PCDH9: variants seen among roughly 807,000 people sequenced by gnomAD.
PCDH9 encodes the protein protocadherin 9, also known as protocadherin-9.
A neutral mutation model predicts 70.6 loss-of-function variants in PCDH9; 24 were observed. The observed-to-expected ratio is 0.34, with a 90% CI of 0.25 to 0.48. The LOEUF (loss-of-function observed/expected upper bound fraction) is 0.48, where lower values mean the gene tolerates loss of function less well. PCDH9 is among the 20% of genes least tolerant of loss of function. The pLI, the probability that PCDH9 is intolerant of heterozygous loss-of-function variation, is 0.99. For synonymous variants in PCDH9, 562 were observed against 558.5 expected, an observed-to-expected ratio of 1.01 and a Z score of -0.09; for missense variants, 1,281 against 1,503.6, an observed-to-expected ratio of 0.85 and a Z score of 2.45.
chr13:67,184,499 CG>C (rs2088698317), intron 2 of PCDH9, among the ~76,000 whole-genome samples: 2 of 152,088 alleles, frequency 1.3e-5, no homozygotes, highest in African/African-American at 2.4e-5. Flanking sequence ...GAGGCTAAGG[CG>C]GGCAGTCTCC....
At chr13:66,361,131 A>G (rs1207725659) in intron 4 of PCDH9, among the ~76,000 whole-genome samples, 1 of 152,136 alleles carries the variant, frequency 6.6e-6, no homozygotes, top group Non-Finnish European at 1.5e-5. Flanking sequence ...CAAAAGCACC[A>G]CTGGCATCTA....
At chr13:67,007,248 T>C (rs2084370626) in intron 2 of PCDH9, among the ~76,000 whole-genome samples, 1 of 152,034 alleles carries the variant, frequency 6.6e-6, no homozygotes, top group South Asian at 2.1e-4. Flanking sequence ...GTATTGAATA[T>C]TGTACAGCCA....
intron 4 of PCDH9, among the ~76,000 whole-genome samples, chr13:66,596,633 G>C (rs770054827): frequency 6.6e-6 from 1 of 151,586 alleles, no homozygotes; most frequent in African/African-American, 2.4e-5. Context: ...AACGTGACAA[G>C]AAAGTTCTCT....
chr13:67,073,107 A>AGCTAGTT (rs1304596621), intron 2 of PCDH9, among the ~76,000 whole-genome samples: 2 of 152,154 alleles, frequency 1.3e-5, no homozygotes, highest in African/African-American at 2.4e-5. Context: ...TCACACAAGG[A>AGCTAGTT]GCTAGTTAAA....
chr13:66,774,770 C>G (rs1998489), intron 3 of PCDH9, among the ~76,000 whole-genome samples: 44,093 of 151,784 alleles, frequency 0.29, 6,613 homozygotes, highest in East Asian at 0.43. Context: ...AGCAGTAATT[C>G]TATTGTGCAT....
intron 3 of PCDH9, among the ~76,000 whole-genome samples, chr13:66,797,606 T>C (rs1380552587): frequency 6.6e-6 from 1 of 152,170 alleles, no homozygotes; most frequent in Non-Finnish European, 1.5e-5. Context: ...CTATGGCGAA[T>C]AAAACACATG....
intron 2 of PCDH9, among the ~76,000 whole-genome samples, chr13:67,086,016 T>A (rs1158378233): frequency 1.3e-5 from 2 of 152,120 alleles, no homozygotes; most frequent in African/African-American, 4.8e-5. Flanking sequence ...CCTAATCATG[T>A]TTATAACTAA....
intron 4 of PCDH9, among the ~76,000 whole-genome samples, chr13:66,528,884 G>A (rs1960322474): frequency 6.6e-6 from 1 of 151,986 alleles, no homozygotes; most frequent in Non-Finnish European, 1.5e-5. Context: ...AAGAATGAAT[G>A]TGTTTTTTAA....
At chr13:67,095,180 A>C (rs1403832411) in intron 2 of PCDH9, among the ~76,000 whole-genome samples, 3 of 152,068 alleles carry the variant, frequency 2.0e-5, no homozygotes, top group African/African-American at 4.8e-5. Flanking sequence ...TATTCAACCG[A>C]CTGTTACTTG....
At chr13:66,473,662 T>A (rs1958662923) in intron 4 of PCDH9, among the ~76,000 whole-genome samples, 1 of 152,192 alleles carries the variant, frequency 6.6e-6, no homozygotes, top group Non-Finnish European at 1.5e-5. Flanking sequence ...AGCAATTCAC[T>A]TCACATTCTT....
chr13:67,082,910 T>C (rs1312586406), intron 2 of PCDH9, among the ~76,000 whole-genome samples: 1 of 152,178 alleles, frequency 6.6e-6, no homozygotes, highest in African/African-American at 2.4e-5. Flanking sequence ...TGAAACTTTA[T>C]CTTTTCTGAC....
chr13:66,869,598 A>G (rs1005958059), intron 3 of PCDH9, among the ~76,000 whole-genome samples: 1 of 152,126 alleles, frequency 6.6e-6, no homozygotes, highest in Non-Finnish European at 1.5e-5. Flanking sequence ...ATTTTGAACA[A>G]TGATAATATT....
intron 4 of PCDH9, among the ~76,000 whole-genome samples, chr13:66,345,337 C>T (rs1956195998): frequency 1.3e-5 from 2 of 152,152 alleles, no homozygotes; most frequent in South Asian, 4.1e-4. Context: ...TCTCATTTTA[C>T]TCCAAAGGGC....
intron 2 of PCDH9, among the ~76,000 whole-genome samples, chr13:67,089,351 G>A (rs941711925): frequency 5.3e-5 from 8 of 151,842 alleles, no homozygotes; most frequent in Non-Finnish European, 1.2e-4. Context: ...TAATGTCTTT[G>A]GTCCTTCTCT....
intron 4 of PCDH9, among the ~76,000 whole-genome samples, chr13:66,336,613 G>T (rs1000720172): frequency 1.3e-4 from 20 of 151,998 alleles, no homozygotes; most frequent in African/African-American, 4.8e-4. Flanking sequence ...TTTTATTGTA[G>T]GTTTATGAAG....
At chr13:66,538,222 T>C (rs900450710) in intron 4 of PCDH9, among the ~76,000 whole-genome samples, 1 of 152,116 alleles carries the variant, frequency 6.6e-6, no homozygotes, top group Non-Finnish European at 1.5e-5. Flanking sequence ...GCGGTAACAA[T>C]TAAAACATGC....
chr13:66,734,622 A>G (rs1299615313), intron 3 of PCDH9, among the ~76,000 whole-genome samples: 1 of 152,164 alleles, frequency 6.6e-6, no homozygotes, highest in African/African-American at 2.4e-5. Flanking sequence ...CTAGACGTCA[A>G]TATTAATCAA....
intron 3 of PCDH9, among the ~76,000 whole-genome samples, chr13:66,762,142 GGT>G (rs1271510751): frequency 6.6e-6 from 1 of 152,040 alleles, no homozygotes; most frequent in Admixed American, 6.6e-5. Flanking sequence ...GAACCACCAT[GGT>G]TGGTGCAGTG....
At chr13:66,593,017 C>A (rs1336844773) in intron 4 of PCDH9, among the ~76,000 whole-genome samples, 1 of 151,524 alleles carries the variant, frequency 6.6e-6, no homozygotes, top group Non-Finnish European at 1.5e-5. Context: ...ATGACAGCAA[C>A]AACAAAGGCC....
Sources: gnomAD v4.1 joint callset for allele counts (sites outside exome capture counted in the v4.1 genomes callset) on GRCh38, gnomAD v4.1.1 for gene constraint, MANE v1.5 for transcripts, NCBI Gene and HGNC (gene_info 2026-07-23, HGNC 2026-07-21) for gene names.